CFAP119: variants seen among roughly 807,000 people sequenced by gnomAD.
CFAP119 encodes the protein cilia- and flagella-associated protein 119.
At chr16:30,760,324 C>T in the CFAP119 span, 63 of 1,614,074 alleles carry the variant, frequency 3.9e-5, no homozygotes, top group African/African-American at 4.4e-4. Context: ...GGGCACAAGC[C>T]GCTGACGTCT....
chr16:30,759,825 G>C, the CFAP119 span: 3 of 1,500,388 alleles, frequency 2.0e-6, no homozygotes, highest in Non-Finnish European at 2.7e-6. Context: ...GAAGCAGACA[G>C]ATCTGGGTTT....
At chr16:30,761,327 T>C in the CFAP119 span, 1 of 1,554,892 alleles carries the variant, frequency 6.4e-7, no homozygotes, top group Non-Finnish European at 8.9e-7. Context: ...TGCCATCTCA[T>C]CTCAAGGACT....
the CFAP119 span, chr16:30,759,490 C>T: frequency 6.2e-7 from 1 of 1,614,214 alleles, no homozygotes; most frequent in Non-Finnish European, 8.5e-7. Flanking sequence ...AGAACCCTGA[C>T]TACCTTCCGG....
chr16:30,758,721 A>G, the CFAP119 span: 3 of 404,942 alleles, frequency 7.4e-6, no homozygotes, highest in Admixed American at 8.3e-5. Flanking sequence ...ATGCCTGGCT[A>G]TTTTTTGTAT....
the CFAP119 span, chr16:30,758,876 G>A: frequency 7.0e-7 from 1 of 1,425,090 alleles, no homozygotes; most frequent in Non-Finnish European, 9.4e-7. Flanking sequence ...CTGTCATCTT[G>A]GACTTCTGCA....
the CFAP119 span, chr16:30,761,128 C>T: frequency 3.2e-6 from 5 of 1,550,988 alleles, no homozygotes; most frequent in Admixed American, 8.5e-5. Flanking sequence ...GCCCTGGCCA[C>T]AGACAGGACT....
chr16:30,760,133 G>T, the CFAP119 span: 5 of 1,559,204 alleles, frequency 3.2e-6, no homozygotes, highest in East Asian at 1.2e-4. Context: ...GGAAGCAGTG[G>T]ATTGGAAAGC....
At chr16:30,760,673 T>TA in the CFAP119 span, 3 of 1,525,382 alleles carry the variant, frequency 2.0e-6, no homozygotes, top group Non-Finnish European at 2.6e-6. Context: ...TACTTCCTGT[T>TA]ATAGTAAAAG....
At chr16:30,757,817 G>A in the CFAP119 span, 3 of 1,414,760 alleles carry the variant, frequency 2.1e-6, no homozygotes, top group Non-Finnish European at 2.8e-6. Flanking sequence ...TTGTGTGAGA[G>A]GTAGTTGGGT....
chr16:30,761,225 G>T, the CFAP119 span: 1 of 1,613,742 alleles, frequency 6.2e-7, no homozygotes, highest in Non-Finnish European at 8.5e-7. Flanking sequence ...TCGGGGCAGC[G>T]GCGGCTGCGG....
chr16:30,759,773 T>C, the CFAP119 span: 2 of 1,558,302 alleles, frequency 1.3e-6, no homozygotes, highest in African/African-American at 2.7e-5. Context: ...TGGTATCCAT[T>C]CATTCACTTC....
At chr16:30,757,552 C>T in the CFAP119 span, 3 of 1,614,234 alleles carry the variant, frequency 1.9e-6, no homozygotes, top group East Asian at 2.2e-5. Context: ...GCTGCTGAGC[C>T]TTTCCTCGCT....
At chr16:30,759,534 G>A in the CFAP119 span, 1 of 1,614,064 alleles carries the variant, frequency 6.2e-7, no homozygotes, top group Non-Finnish European at 8.5e-7. Context: ...CCCAGCAACA[G>A]GAGCAAGGAG....
chr16:30,760,655 C>G, the CFAP119 span: 1 of 1,551,746 alleles, frequency 6.4e-7, no homozygotes, highest in African/African-American at 1.4e-5. Context: ...ATGGAATGGA[C>G]GTCCAGGTAC....
At chr16:30,760,995 C>A in the CFAP119 span, 1 of 631,972 alleles carries the variant, frequency 1.6e-6, no homozygotes, top group African/African-American at 1.8e-5. Context: ...CATTTACATT[C>A]TGTCTTTGGC....
chr16:30,760,465 G>C, the CFAP119 span: 3 of 1,613,474 alleles, frequency 1.9e-6, no homozygotes, highest in African/African-American at 2.7e-5. Flanking sequence ...TTGGGAGGGA[G>C]AGAGGAGTGA....
At chr16:30,759,194 C>T in the CFAP119 span, 1 of 1,614,230 alleles carries the variant, frequency 6.2e-7, no homozygotes, top group Non-Finnish European at 8.5e-7. Flanking sequence ...CACTCTCTGG[C>T]CACAGTTTGG....
chr16:30,757,707 G>A, the CFAP119 span: 1 of 1,552,548 alleles, frequency 6.4e-7, no homozygotes, highest in Non-Finnish European at 8.7e-7. Context: ...GTCTGGCAAT[G>A]GGGGGATGGT....
At chr16:30,761,264 C>A in the CFAP119 span, 1 of 1,613,458 alleles carries the variant, frequency 6.2e-7, no homozygotes, top group Non-Finnish European at 8.5e-7. Flanking sequence ...AAGGCAGCTG[C>A]GGTGTCCTGG....
Sources: allele counts gnomAD v4.1 joint callset, GRCh38; gene constraint gnomAD v4.1.1; transcripts MANE v1.5; gene names NCBI Gene and HGNC (gene_info 2026-07-23, HGNC 2026-07-21).